Variants in PATL1 observed in about 807,000 individuals in gnomAD.
The protein encoded by PATL1 is PAT1 homolog 1, processing body mRNA decay factor, also known as protein PAT1 homolog 1.
Under a neutral mutation model 100.6 loss-of-function variants are expected in PATL1, and 32 were observed. That is an observed-to-expected ratio of 0.32 (90% CI 0.24 to 0.43). The LOEUF is 0.43. Ranked by LOEUF, PATL1 falls within the 20% of genes least tolerant of loss-of-function variation. The pLI is 1.00. For missense variants in PATL1, 747 were observed against 949.9 expected, an observed-to-expected ratio of 0.79 and a Z score of 2.81; for synonymous variants, 332 against 330.0, an observed-to-expected ratio of 1.01 and a Z score of -0.07.
chr11:59,648,740 C>T (rs557976479), intron 14 of PATL1, among the ~76,000 whole-genome samples: 1 of 152,160 alleles, frequency 6.6e-6, no homozygotes, highest in African/African-American at 2.4e-5. Flanking sequence ...GGCTGCATAA[C>T]ATCCAATCTA....
intron 15 of PATL1, among the ~76,000 whole-genome samples, 187 bp from the exon 16 acceptor site, chr11:59,643,222 C>T (rs1408112746): frequency 6.6e-6 from 1 of 151,904 alleles, no homozygotes; most frequent in Non-Finnish European, 1.5e-5. Context: ...TCTCAATTTG[C>T]ATTGGAAACA....
intron 5 of PATL1, 104 bp downstream of exon 5, chr11:59,657,426 T>C (rs1054453217): frequency 1.8e-6 from 2 of 1,117,654 alleles, no homozygotes; most frequent in African/African-American, 3.1e-5. Flanking sequence ...TCTAATCTAA[T>C]GCCTACCCAA....
Position 59,658,923 on chromosome 11 carries a change from G to A in PATL1, c.369C>T (p.Ser123=). 1 of 1,550,182 alleles carries A rather than the reference G, an allele frequency of 6.5e-7. No individual in the cohort carries two copies. Among genetic ancestry groups the A allele is most frequent in the Non-Finnish European group, 8.7e-7 (1 of 1,146,656 alleles). The change falls in exon 4 of 19, where the codon TCC becomes TCT. Residue 123 remains serine (S), a synonymous_variant. Coordinates refer to ENST00000300146, the MANE Select transcript of PATL1 (RefSeq NM_152716.3). The stretch of plus-strand genomic sequence containing the variant: ...GAACTTCAGATCCATCCCAGATACT[G>A]GAATTCAGACTTCCTGGTTGGGGCT... ...VLQPQPGSLN[S]SIWDGSEVLR...
chr11:59,652,618 A>C, intron 10 of PATL1, 31 bp from the exon 11 acceptor site: 1 of 1,611,150 alleles, frequency 6.2e-7, no homozygotes, highest in Non-Finnish European at 8.5e-7. Flanking sequence ...CAGTTGTAAC[A>C]CAAGCACAGA....
intron 12 of PATL1, 45 bp downstream of exon 12, chr11:59,651,499 T>A (rs781196118): frequency 4.1e-6 from 6 of 1,468,532 alleles, no homozygotes; most frequent in Non-Finnish European, 5.7e-6. Flanking sequence ...AAAGAAGTGG[T>A]CACAAATCAG....
At chr11:59,667,021 A>G in intron 1 of PATL1, 57 bp from the exon 2 acceptor site, 19 of 1,513,690 alleles carry the variant, frequency 1.3e-5, no homozygotes, top group Non-Finnish European at 1.7e-5. Flanking sequence ...CATTTTAAAA[A>G]TGTTCTAAAA....
chr11:59,668,936 A>G lies in PATL1; in HGVS notation c.-41T>C. 3.1e-6 allele frequency: 1 copy of G among 327,244 alleles called. No homozygotes were observed. 20.3% of individuals were successfully genotyped at this position (327,244 alleles called of 1,614,324 possible). A position where few individuals can be genotyped will look rare whatever the true frequency, so the allele number is the denominator to read the frequency against. On this transcript the variant is annotated 5_prime_UTR_variant, in exon 1 of 19. Transcript: ENST00000300146. Reference sequence around the variant, plus strand: ...CAGGGAGCGGGGAGGGGAGAGGGGGAGGGAGGGAAGAAGCGCTGACTCCCC... The same window carrying G: ...CAGGGAGCGGGGAGGGGAGAGGGGGGGGGAGGGAAGAAGCGCTGACTCCCC...
At chr11:59,639,410 A>C in intron 16 of PATL1, 27 bp from the exon 17 acceptor site, 1 of 1,518,500 alleles carries the variant, frequency 6.6e-7, no homozygotes, top group South Asian at 1.2e-5. Flanking sequence ...AGGGAATCAA[A>C]CTCAACACTG....
In PATL1 at chr11:59,638,517, C is replaced by T; in HGVS notation, c.2292-106G>A. On this transcript the variant is annotated intron_variant, in intron 18 of 18. Transcript: ENST00000300146. The stretch of plus-strand genomic sequence containing the variant: ...TTGTAAGACTTCTCATAACAAAATA[C>T]CCGAGATTATTTCTCTACCCTTAGC... 7 of 1,059,544 alleles carry T rather than the reference C, an allele frequency of 6.6e-6. No homozygotes were observed. The South Asian group carries it at 9.5e-5, about 14-fold the overall frequency. The allele number at this position is 1,059,544 out of a possible 1,614,324, so 65.6% of individuals were successfully genotyped here.
chr11:59,637,333 G>A lies in PATL1; in HGVS notation c.*1057C>T, dbSNP rs1437316158. 5 of 152,562 alleles carry A rather than the reference G, an allele frequency of 3.3e-5. No homozygotes were observed. Among genetic ancestry groups the A allele is most frequent in the Non-Finnish European group, 7.3e-5 (5 of 68,040 alleles). 9.5% of individuals were successfully genotyped at this position (152,562 alleles called of 1,614,324 possible). ...GACTTGGGTGAGATGAAGTAGTAAA[G>A]ACAGCAGTTCTGCCCATGGTGTGGA... On this transcript the variant is annotated 3_prime_UTR_variant, in exon 19 of 19. Transcript: ENST00000300146.
chr11:59,668,181 C>G (rs1349311194), intron 1 of PATL1, among the ~76,000 whole-genome samples: 3 of 152,212 alleles, frequency 2.0e-5, no homozygotes, highest in African/African-American at 7.2e-5. Context: ...TTTCATGCTA[C>G]AAATTCAGAA....
chr11:59,657,773 GT>G, intron 4 of PATL1, 49 bp from the exon 5 acceptor site: 1 of 1,428,784 alleles, frequency 7.0e-7, no homozygotes, highest in Non-Finnish European at 9.4e-7. Context: ...AACTTGGTAT[GT>G]TTTAGTAATC....
At chr11:59,652,725 AG>A (rs1861464355) in intron 10 of PATL1, 112 bp downstream of exon 10, 3 of 1,501,106 alleles carry the variant, frequency 2.0e-6, no homozygotes, top group Non-Finnish European at 2.7e-6. Context: ...CAAGATGCTA[AG>A]TACCTCAAAA....
At position 59,668,966 on chromosome 11, in the gene PATL1, C is replaced by A; in HGVS notation, c.-71G>T. 3.0e-6 allele frequency: 1 copy of A among 336,564 alleles called. No individual in the cohort carries two copies. 20.8% of individuals were successfully genotyped at this position (336,564 alleles called of 1,614,324 possible). On this transcript the variant is annotated 5_prime_UTR_variant, in exon 1 of 19. Coordinates refer to ENST00000300146, the MANE Select transcript of PATL1 (RefSeq NM_152716.3). Reference sequence around the variant, plus strand: ...GGGAAGAAGCGCTGACTCCCCGGCTCCTCCGCGCGCGGGTCCTCCACCGGC... The same window carrying A: ...GGGAAGAAGCGCTGACTCCCCGGCTACTCCGCGCGCGGGTCCTCCACCGGC...
chr11:59,650,147 AG>A (rs1018139609), intron 13 of PATL1, among the ~76,000 whole-genome samples: 9 of 149,882 alleles, frequency 6.0e-5, no homozygotes. Flanking sequence ...AAAAAAAAAA[AG>A]CAATCCAAAG....
intron 2 of PATL1, among the ~76,000 whole-genome samples, chr11:59,665,229 T>C (rs1861670906): frequency 1.3e-5 from 2 of 152,224 alleles, no homozygotes; most frequent in Admixed American, 6.5e-5. Flanking sequence ...CTTTAATAAA[T>C]GTATTAGGTC....
At chr11:59,658,417 G>C (rs1861571885) in intron 4 of PATL1, among the ~76,000 whole-genome samples, 2 of 151,868 alleles carry the variant, frequency 1.3e-5, no homozygotes, top group Non-Finnish European at 2.9e-5. Context: ...CTGCCTCCCA[G>C]GTTCAAGTGA....
At chr11:59,644,461 G>A (rs766346990) in intron 15 of PATL1, among the ~76,000 whole-genome samples, 19 of 151,320 alleles carry the variant, frequency 1.3e-4, no homozygotes, top group Non-Finnish European at 2.2e-4. Flanking sequence ...GCTAATTATG[G>A]TTCAAACAAG....
intron 11 of PATL1, among the ~76,000 whole-genome samples, chr11:59,652,046 C>A (rs900170450): frequency 3.2e-5 from 3 of 93,114 alleles, no homozygotes; most frequent in Non-Finnish European, 5.9e-5. Flanking sequence ...GCCTGGACAA[C>A]AGAGTAAGGC....
Sources: allele counts gnomAD v4.1 joint callset (sites outside exome capture counted in the v4.1 genomes callset), GRCh38; gene constraint gnomAD v4.1.1; transcripts MANE v1.5; gene names NCBI Gene and HGNC (gene_info 2026-07-23, HGNC 2026-07-21).